Variants in TPTE2 observed in about 807,000 individuals in gnomAD.
The protein encoded by TPTE2 is phosphatidylinositol 3,4,5-trisphosphate 3-phosphatase TPTE2.
Under a neutral mutation model 78.6 loss-of-function variants are expected in TPTE2, and 53 were observed. The ratio of observed to expected loss-of-function variants is 0.67; its 90% CI spans 0.54 to 0.85. TPTE2 has a LOEUF of 0.85. Ranked by LOEUF, TPTE2 falls within the 40% of genes least tolerant of loss-of-function variation. The probability of loss-of-function intolerance (pLI) is 0.00; values close to 1 mark genes in which losing one functional copy is unlikely to be tolerated. For synonymous variants in TPTE2, 175 were observed against 206.2 expected, an observed-to-expected ratio of 0.85 and a Z score of 1.30; for missense variants, 461 against 623.0, an observed-to-expected ratio of 0.74 and a Z score of 2.77.
rs533330555 is a variant in TPTE2 at position 19,487,343 on chromosome 13, C to T, written c.120-4796G>A. ...AGCCTGTGGGACTGTTTCTCAGGCC[C>T]TTATCAAAGGCAGAGGGCTCCTGGG... On this transcript the variant is annotated intron_variant, in intron 3 of 19. Coordinates refer to ENST00000400230, the Ensembl canonical transcript of TPTE2. Among the ~76,000 whole-genome samples the T allele has an allele frequency of 3.3e-5, 5 of 152,166 alleles. No homozygotes were observed. In the South Asian group the frequency reaches 1.0e-3, roughly 32 times the overall value.
chr13:19,439,340 G>A, intron 13 of TPTE2, among the ~76,000 whole-genome samples: 1 of 151,890 alleles, frequency 6.6e-6, no homozygotes, highest in Non-Finnish European at 1.5e-5. Context: ...AAGTGCATAG[G>A]GCTGCAGAAG....
At chr13:19,493,677 T>C (rs1881146983) in intron 1 of TPTE2, 176 bp from the exon 5 acceptor site, 3 of 683,730 alleles carry the variant, frequency 4.4e-6, no homozygotes, top group Admixed American at 2.2e-5. Context: ...AGGATGTATA[T>C]GACGACAACC....
At chr13:19,552,388 TC>T in the TPTE2 span, among the ~76,000 whole-genome samples, 8 of 152,306 alleles carry the variant, frequency 5.3e-5, no homozygotes, top group South Asian at 1.2e-3. Flanking sequence ...TTATCAAGCA[TC>T]TAAAAATAAG....
At chr13:19,553,740 T>C in the TPTE2 span, among the ~76,000 whole-genome samples, 168 of 152,324 alleles carry the variant, frequency 1.1e-3, 2 homozygotes, top group East Asian at 0.028. Context: ...TTCTAAAAGA[T>C]GCAAGCTAAT....
intron 4 of TPTE2, among the ~76,000 whole-genome samples, chr13:19,480,071 C>CATGA (rs1447317516): frequency 7.1e-5 from 5 of 70,152 alleles, no homozygotes; most frequent in Admixed American, 3.4e-4. Context: ...TAACTATGAA[C>CATGA]ATGACTCATT....
rs1462424042 is a variant in TPTE2 at position 19,486,505 on chromosome 13, CT to C, written c.120-3959del. Among the ~76,000 whole-genome samples the C allele has an allele frequency of 6.6e-6, 1 of 152,206 alleles. No homozygotes were observed. The highest frequency in any genetic ancestry group is 1.5e-5 in the Non-Finnish European group (1 of 68,034). ...ATGCAGTTGCTCAACCAGGGCATGACTGCCAGATGTGCTTTGCAGGACAGTT... is the reference window on the plus strand; with the variant it reads ...ATGCAGTTGCTCAACCAGGGCATGACGCCAGATGTGCTTTGCAGGACAGTT... On this transcript the variant is annotated intron_variant, in intron 3 of 19. Transcript: ENST00000400230. This position sits in a 1 kb window ranked among gnomAD's most constrained non-coding sequence, Gnocchi z 4.3.
At chr13:19,546,490 T>TTC in the TPTE2 span, among the ~76,000 whole-genome samples, 1 of 130,730 alleles carries the variant, frequency 7.6e-6, no homozygotes, top group Admixed American at 7.6e-5. Flanking sequence ...TTTCTTTTTT[T>TTC]TTTTTTTTTT....
intron 1 of TPTE2, among the ~76,000 whole-genome samples, chr13:19,510,960 G>C (rs950261094): frequency 1.3e-5 from 2 of 152,194 alleles, no homozygotes; most frequent in Non-Finnish European, 2.9e-5. Flanking sequence ...TGGAAAGTTT[G>C]ATTATGTCAA....
the TPTE2 span, among the ~76,000 whole-genome samples, chr13:19,546,182 A>G: frequency 6.6e-6 from 1 of 152,110 alleles, no homozygotes; most frequent in South Asian, 2.1e-4. Flanking sequence ...TGGAAGACAG[A>G]GTGACACCAC....
At chr13:19,560,799 T>C in the TPTE2 span, 3 of 1,484,538 alleles carry the variant, frequency 2.0e-6, no homozygotes, top group Admixed American at 5.8e-5. Flanking sequence ...GCACCGCTTG[T>C]ACTCCCGCCC....
At chr13:19,522,747 C>T (rs948509952) in intron 1 of TPTE2, among the ~76,000 whole-genome samples, 7 of 151,276 alleles carry the variant, frequency 4.6e-5, no homozygotes, top group African/African-American at 1.5e-4. Flanking sequence ...CTCAGCCTCC[C>T]GAGTAGCTAG....
At chr13:19,475,892 A>G (rs1879908096) in intron 4 of TPTE2, among the ~76,000 whole-genome samples, 1 of 152,210 alleles carries the variant, frequency 6.6e-6, no homozygotes, top group South Asian at 2.1e-4. Flanking sequence ...TTATGGCAAT[A>G]CTAAACTTAA....
chr13:19,519,726 C>T (rs183334179), intron 1 of TPTE2, among the ~76,000 whole-genome samples: 3,744 of 152,210 alleles, frequency 0.025, 64 homozygotes, highest in Middle Eastern at 0.051. Context: ...TCTGCAACTT[C>T]ACTGTTCTTC....
rs968691034 is a variant in TPTE2, at chr13:19,535,799, C to T, written c.-44+797G>A. ...TACAGGTGCCTGCCATCATGCCCAG[C>T]TATTTTTTGTATTTTTAGTAGAGAT... On this transcript the variant is annotated intron_variant, in intron 1 of 17. Transcript: ENST00000390680. The surrounding 1 kb of genome is among the most constrained non-coding windows in gnomAD (Gnocchi z 5.1). 6.6e-6 allele frequency among the ~76,000 whole-genome samples: 1 copy of T among 152,014 alleles called. No individual in the cohort carries two copies. The highest frequency in any genetic ancestry group is 2.4e-5 in the African/African-American group (1 of 41,352).
chr13:19,512,089 G>T (rs1869489972), intron 1 of TPTE2, among the ~76,000 whole-genome samples: 2 of 152,112 alleles, frequency 1.3e-5, no homozygotes, highest in Non-Finnish European at 2.9e-5. Flanking sequence ...CCACAATAGA[G>T]ATATGAACCA....
intron 13 of TPTE2, among the ~76,000 whole-genome samples, chr13:19,445,982 G>A (rs1877806398): frequency 6.6e-6 from 1 of 151,976 alleles, no homozygotes; most frequent in Non-Finnish European, 1.5e-5. Context: ...AATAAAAATT[G>A]GAAACAACCC....
chr13:19,456,616 T>A (rs1372298019), intron 10 of TPTE2, among the ~76,000 whole-genome samples: 2 of 152,168 alleles, frequency 1.3e-5, no homozygotes, highest in Non-Finnish European at 2.9e-5. Context: ...TTGTAAAACC[T>A]GTACACTGCA....
chr13:19,543,119 G>A, the TPTE2 span, among the ~76,000 whole-genome samples: 3 of 150,890 alleles, frequency 2.0e-5, no homozygotes, highest in African/African-American at 2.4e-5. Context: ...GTGCAGTGGC[G>A]TGATCTCAGC....
At chr13:19,518,357 TTTA>T (rs1168043709) in intron 1 of TPTE2, among the ~76,000 whole-genome samples, 10 of 152,304 alleles carry the variant, frequency 6.6e-5, no homozygotes, top group African/African-American at 2.4e-4. Context: ...ATATGTACAA[TTTA>T]TTATGTGTCA....
Sources: allele counts gnomAD v4.1 joint callset (sites outside exome capture counted in the v4.1 genomes callset), GRCh38; gene constraint gnomAD v4.1.1; non-coding constraint Gnocchi (gnomAD v3.1); transcripts MANE v1.5; gene names NCBI Gene and HGNC (gene_info 2026-07-23, HGNC 2026-07-21).